GABRA4: variants seen among roughly 807,000 people sequenced by gnomAD.
GABRA4 encodes the protein gamma-aminobutyric acid receptor subunit alpha-4.
Under a neutral mutation model 49.7 loss-of-function variants are expected in GABRA4, and 12 were observed. The ratio of observed to expected loss-of-function variants is 0.24; its 90% CI spans 0.15 to 0.39. The LOEUF is 0.39. Ranked by LOEUF, GABRA4 falls within the 10% of genes least tolerant of loss-of-function variation. The pLI, the probability that GABRA4 is intolerant of heterozygous loss-of-function variation, is 1.00. For missense variants in GABRA4, 506 were observed against 686.0 expected, an observed-to-expected ratio of 0.74 and a Z score of 2.93; for synonymous variants, 288 against 240.2, an observed-to-expected ratio of 1.20 and a Z score of -1.84.
rs947195533 is a variant in GABRA4, at chr4:46,920,985, G to A, written c.*7240C>T. 6 of 151,500 alleles carry A rather than the reference G, an allele frequency of 4.0e-5. No individual in the cohort carries two copies. The highest frequency in any genetic ancestry group is 1.5e-4 in the African/African-American group (6 of 41,326). The allele number at this position is 151,500 out of a possible 1,614,324, so 9.4% of individuals were successfully genotyped here. A position where few individuals can be genotyped will look rare whatever the true frequency, so the allele number is the denominator to read the frequency against. On this transcript the variant is annotated 3_prime_UTR_variant, in exon 9 of 9. Coordinates refer to ENST00000264318, the MANE Select transcript of GABRA4 (RefSeq NM_000809.4). ...GTTAGTATTTTCAATTAAATTAATC[G>A]GTTCAGTGATAATATCATACTCTTG...
intron 2 of GABRA4, among the ~76,000 whole-genome samples, chr4:46,982,684 T>C (rs552210037): frequency 9.2e-5 from 14 of 152,206 alleles, no homozygotes; most frequent in African/African-American, 2.9e-4. Context: ...TTGTATCCCA[T>C]AGTCATTGGG....
chr4:46,958,736 T>C (rs1722455023), intron 8 of GABRA4, among the ~76,000 whole-genome samples: 1 of 151,902 alleles, frequency 6.6e-6, no homozygotes, highest in Non-Finnish European at 1.5e-5. Context: ...GCTTCATGAA[T>C]ATTCCATGAA....
chr4:46,950,199 A>T (rs552473726), intron 8 of GABRA4, among the ~76,000 whole-genome samples: 1 of 152,102 alleles, frequency 6.6e-6, no homozygotes, highest in Non-Finnish European at 1.5e-5. Flanking sequence ...CTATACAAGC[A>T]TAAACTGCTT....
intron 8 of GABRA4, among the ~76,000 whole-genome samples, chr4:46,932,752 C>A (rs371817702): frequency 2.3e-4 from 35 of 152,146 alleles, no homozygotes; most frequent in African/African-American, 7.7e-4. Flanking sequence ...TTTAACCTAC[C>A]AGTCTTATTT....
chr4:46,993,208 C>A, intron 1 of GABRA4, 131 bp downstream of exon 1: 1 of 840,086 alleles, frequency 1.2e-6, no homozygotes, highest in East Asian at 2.5e-5. Context: ...AGCCTGGCTT[C>A]GGCCCCTGCT....
intron 4 of GABRA4, 78 bp downstream of exon 4, chr4:46,977,332 G>C: frequency 2.4e-6 from 2 of 818,736 alleles, no homozygotes; most frequent in Non-Finnish European, 3.7e-6. Context: ...GAGGGAGGAA[G>C]GAAGGAAGGA....
At chr4:46,993,212 C>G in intron 1 of GABRA4, 127 bp downstream of exon 1, 2 of 870,614 alleles carry the variant, frequency 2.3e-6, no homozygotes, top group East Asian at 4.9e-5. Flanking sequence ...TGGCTTCGGC[C>G]CCTGCTCTTA....
At position 46,923,501 on chromosome 4, in the gene GABRA4, A is replaced by T. The variant is rs1410034008; in HGVS notation, c.*4724T>A. The T allele has an allele frequency of 6.6e-6, 1 of 152,114 alleles. No individual in the cohort carries two copies. Among genetic ancestry groups the T allele is most frequent in the African/African-American group, 2.4e-5 (1 of 41,444 alleles). 9.4% of individuals were successfully genotyped at this position (152,114 alleles called of 1,614,324 possible). A position where few individuals can be genotyped will look rare whatever the true frequency, so the allele number is the denominator to read the frequency against. On this transcript the variant is annotated 3_prime_UTR_variant, in exon 9 of 9. Coordinates refer to ENST00000264318, the MANE Select transcript of GABRA4 (RefSeq NM_000809.4). ...GATTTCTGGGTGGTAGAATTTTGAG[A>T]TTGTTTTTAAGTTTCTACAATGTCT...
chr4:46,966,983 T>C (rs1722785004), intron 7 of GABRA4, among the ~76,000 whole-genome samples: 1 of 151,682 alleles, frequency 6.6e-6, no homozygotes, highest in African/African-American at 2.4e-5. Flanking sequence ...GGCCTTCATT[T>C]TGAATCTCAG....
intron 8 of GABRA4, among the ~76,000 whole-genome samples, chr4:46,933,716 G>A (rs1166871437): frequency 6.6e-6 from 1 of 152,162 alleles, no homozygotes; most frequent in African/African-American, 2.4e-5. Flanking sequence ...TCAGAGTGAT[G>A]TTGTGTTTCG....
intron 7 of GABRA4, among the ~76,000 whole-genome samples, chr4:46,968,515 T>A (rs1169825234): frequency 6.6e-6 from 1 of 151,592 alleles, no homozygotes; most frequent in African/African-American, 2.4e-5. Flanking sequence ...AGACAGAAAT[T>A]GTCTTGGGTC....
intron 8 of GABRA4, among the ~76,000 whole-genome samples, chr4:46,952,843 A>G (rs1399216817): frequency 6.6e-6 from 1 of 152,282 alleles, no homozygotes; most frequent in East Asian, 1.9e-4. Context: ...AAAAAAGATT[A>G]TAAAATAAAT....
At chr4:46,980,125 A>G (rs1202203878) in intron 2 of GABRA4, among the ~76,000 whole-genome samples, 1 of 152,116 alleles carries the variant, frequency 6.6e-6, no homozygotes, top group African/African-American at 2.4e-5. Flanking sequence ...AATACTTGTA[A>G]GTCATTTGTC....
At chr4:46,992,987 T>C (rs1723823024) in intron 1 of GABRA4, 41 bp from the exon 2 acceptor site, 4 of 1,431,402 alleles carry the variant, frequency 2.8e-6, no homozygotes, top group African/African-American at 1.4e-5. Context: ...GAGGAGATTA[T>C]TTTAAGAATC....
intron 8 of GABRA4, among the ~76,000 whole-genome samples, chr4:46,931,903 G>A (rs563735685): frequency 2.3e-4 from 35 of 152,274 alleles, no homozygotes; most frequent in African/African-American, 3.9e-4. Flanking sequence ...TGAGCTGCCC[G>A]AGCAAGCGTA....
Position 46,977,083 on chromosome 4 carries a change from T to G in GABRA4, c.555A>C (p.Ala185=). The G allele has an allele frequency of 6.2e-7, 1 of 1,609,912 alleles. No homozygotes were observed. Among genetic ancestry groups the G allele is most frequent in the Non-Finnish European group, 8.5e-7 (1 of 1,177,296 alleles). ...TACAACTCCCGAATTTCAAAGGGCATGCATGACCATCCATGGGAAAATCCA... is the reference window on the plus strand; with the variant it reads ...TACAACTCCCGAATTTCAAAGGGCAGGCATGACCATCCATGGGAAAATCCA... ...RLVDFPMDGH[A]CPLKFGSYAY... is the part of the protein sequence containing the mutation. Residue 185 remains alanine, a synonymous_variant, in exon 5 of 9, where the codon GCA becomes GCC. Coordinates refer to ENST00000264318, the MANE Select transcript of GABRA4 (RefSeq NM_000809.4).
intron 8 of GABRA4, among the ~76,000 whole-genome samples, chr4:46,935,331 C>T (rs147287268): frequency 6.6e-6 from 1 of 152,246 alleles, no homozygotes; most frequent in East Asian, 1.9e-4. Context: ...AATAATGCTG[C>T]CTTCCTCCTA....
intron 6 of GABRA4, among the ~76,000 whole-genome samples, chr4:46,972,988 C>A (rs1241733941): frequency 6.6e-6 from 1 of 151,766 alleles, no homozygotes; most frequent in Admixed American, 6.6e-5. Flanking sequence ...AACACAAACT[C>A]AGAAGTCATA....
Position 46,925,757 on chromosome 4 carries a change from T to TATTATC in GABRA4, c.*2467_*2468insGATAAT, listed in dbSNP as rs1553901712. The TATTATC allele has an allele frequency of 0.011, 839 of 78,820 alleles. 5 individuals carry two copies. Among genetic ancestry groups the TATTATC allele is most frequent in the Non-Finnish European group, 0.017 (619 of 35,560 alleles). The allele number at this position is 78,820 out of a possible 1,614,324, so 4.9% of individuals were successfully genotyped here. On this transcript the variant is annotated 3_prime_UTR_variant, in exon 9 of 9. Transcript: ENST00000264318. ...TTATTATTATTATTATTATTATTATTATCATCATTATTATCATTGTGTGCA... is the reference window on the plus strand; with the variant it reads ...TTATTATTATTATTATTATTATTATTATTATCATCATCATTATTATCATTGTGTGCA...
Sources: allele counts gnomAD v4.1 joint callset (sites outside exome capture counted in the v4.1 genomes callset), GRCh38; gene constraint gnomAD v4.1.1; transcripts MANE v1.5; gene names NCBI Gene and HGNC (gene_info 2026-07-23, HGNC 2026-07-21).